CDH23: variants seen among roughly 807,000 people sequenced by gnomAD.
The protein encoded by CDH23 is cadherin related 23.
CDH23 carries 189 observed loss-of-function variants against 317.1 expected under a neutral mutation model. That is an observed-to-expected ratio of 0.60 (90% CI 0.53 to 0.67). The LOEUF (loss-of-function observed/expected upper bound fraction) is 0.67, where lower values mean the gene tolerates loss of function less well. Among genes scored for constraint, CDH23 ranks in the 30% least tolerant of loss-of-function variants. The probability of loss-of-function intolerance (pLI) is 0.00; values close to 1 mark genes in which losing one functional copy is unlikely to be tolerated. For synonymous variants in CDH23, 1,839 were observed against 1,876.8 expected (o/e 0.98, Z 0.52); for missense variants, 4,401 against 4,592.4 (o/e 0.96, Z 1.20).
chr10:71,791,377 G>A lies in CDH23; in HGVS notation c.6253+42G>A, dbSNP rs749532783. 1.6e-5 allele frequency: 25 copies of A among 1,555,148 alleles called. No individual in the cohort carries two copies. The Admixed American group carries it at 1.8e-4, about 11-fold the overall frequency. On this transcript the variant is annotated intron_variant, in intron 47 of 69. Transcript: ENST00000224721. ...CCCCAGCACCCCACAACCAGGGGCC[G>A]GTTGGTGGTCACAGGGGACTGGAGC...
intron 38 of CDH23, among the ~76,000 whole-genome samples, chr10:71,754,224 C>T (rs1298444293): frequency 6.6e-6 from 1 of 152,094 alleles, no homozygotes; most frequent in Non-Finnish European, 1.5e-5. Flanking sequence ...CATGGGTATT[C>T]CTGCAGGTAG....
At chr10:71,678,890 G>T (rs928932380) in intron 16 of CDH23, among the ~76,000 whole-genome samples, 10 of 152,170 alleles carry the variant, frequency 6.6e-5, no homozygotes, top group Non-Finnish European at 8.8e-5. Flanking sequence ...CAAGAAACAA[G>T]GTTCCTGCTC....
chr10:71,667,574 G>A (rs181670156), intron 14 of CDH23, among the ~76,000 whole-genome samples: 2 of 152,120 alleles, frequency 1.3e-5, no homozygotes, highest in Admixed American at 6.5e-5. Context: ...TGTGTGGTGC[G>A]TGCATGTGTT....
chr10:71,756,413 G>T lies in CDH23; in HGVS notation c.4845+14492G>T, dbSNP rs75330703. ...AAATTTATTGAAGCAGTCCCCTGTT[G>T]GTAGACATGTTGTTTCCATTTTCAG... is the stretch of plus-strand genomic sequence containing the variant. On this transcript the variant is annotated intron_variant, in intron 38 of 69. Coordinates refer to ENST00000224721, the MANE Select transcript of CDH23 (RefSeq NM_022124.6). 2.8e-3 allele frequency among the ~76,000 whole-genome samples: 433 copies of T among 152,286 alleles called. 5 individuals carry two copies. Among genetic ancestry groups the T allele is most frequent in the African/African-American group, 9.9e-3 (413 of 41,546 alleles).
intron 24 of CDH23, among the ~76,000 whole-genome samples, chr10:71,704,384 A>G (rs1865700832): frequency 6.6e-6 from 1 of 152,230 alleles, no homozygotes; most frequent in Non-Finnish European, 1.5e-5. Context: ...CATGGCCACA[A>G]ACAGTTTTTT....
rs578143837 is a variant in CDH23, at chr10:71,662,320, A to C, written c.1450-12792A>C. ...TGACAGGCGTGGGGGGTGTCCTGCC[A>C]GGCACCAAGTCACCTTGGAGTGAGG... On this transcript the variant is annotated intron_variant, in intron 14 of 69. Coordinates refer to ENST00000224721, the MANE Select transcript of CDH23 (RefSeq NM_022124.6). Among the ~76,000 whole-genome samples the C allele has an allele frequency of 6.5e-4, 99 of 152,250 alleles. 1 individual carries two copies. Among genetic ancestry groups the C allele is most frequent in the African/African-American group, 2.3e-3 (97 of 41,524 alleles).
At chr10:71,741,332 G>GTGGC (rs1044353968) in intron 37 of CDH23, among the ~76,000 whole-genome samples, 1 of 152,140 alleles carries the variant, frequency 6.6e-6, no homozygotes, top group Non-Finnish European at 1.5e-5. Context: ...AGGATGACAT[G>GTGGC]TGGCCAGAGT....
At chr10:71,792,831 AAAAAAAAAAAAAAAAAAAAAAATAT>A (rs1238858234) in intron 47 of CDH23, among the ~76,000 whole-genome samples, 2 of 72,222 alleles carry the variant, frequency 2.8e-5, no homozygotes, top group East Asian at 4.9e-4. Context: ...AAAAAAAAAA[AAAAAAAAAAAAAAAAAAAAAAATAT>A]ATATATATAT....
intron 3 of CDH23, among the ~76,000 whole-genome samples, chr10:71,471,028 T>TAG (rs1851480445): frequency 6.6e-6 from 1 of 152,252 alleles, no homozygotes; most frequent in African/African-American, 2.4e-5. Flanking sequence ...AAAGGACTCA[T>TAG]ATATCTGAGT....
At position 71,635,538 on chromosome 10, in the gene CDH23, G is replaced by A. The variant is rs147247144; in HGVS notation, c.1135-8323G>A. 3.8e-3 allele frequency among the ~76,000 whole-genome samples: 572 copies of A among 152,268 alleles called. 2 individuals are homozygous for A. The highest frequency in any genetic ancestry group is 6.8e-3 in the Middle Eastern group (2 of 294). On this transcript the variant is annotated intron_variant, in intron 11 of 69. Coordinates refer to ENST00000224721, the MANE Select transcript of CDH23 (RefSeq NM_022124.6). ...GGCGAGGCAGCCTCGGATTGATCCC[G>A]TCTGTGCAGGCGTGTGTGGAATTCA...
intron 6 of CDH23, among the ~76,000 whole-genome samples, chr10:71,529,987 C>G (rs1280506495): frequency 3.3e-5 from 5 of 151,384 alleles, no homozygotes; most frequent in African/African-American, 4.9e-5. Flanking sequence ...GTAACTCCCT[C>G]TGGGGCTGGA....
intron 44 of CDH23, among the ~76,000 whole-genome samples, chr10:71,786,646 C>T (rs976277443): frequency 7.9e-5 from 12 of 152,096 alleles, no homozygotes; most frequent in African/African-American, 1.7e-4. Flanking sequence ...TACATGCACA[C>T]GCCACCTTGC....
chr10:71,724,692 G>A (rs771325318), intron 29 of CDH23, among the ~76,000 whole-genome samples: 8 of 152,316 alleles, frequency 5.3e-5, no homozygotes, highest in South Asian at 4.1e-4. Context: ...CAGAGCCCAG[G>A]GCAGCCCCCA....
chr10:71,746,479 C>G (rs552122105), intron 38 of CDH23, among the ~76,000 whole-genome samples: 23 of 152,250 alleles, frequency 1.5e-4, no homozygotes, highest in Non-Finnish European at 2.9e-4. Context: ...GACCCAGGCC[C>G]GCCACACAAT....
intron 3 of CDH23, among the ~76,000 whole-genome samples, chr10:71,488,930 A>T (rs1246915663): frequency 6.6e-6 from 1 of 152,226 alleles, no homozygotes; most frequent in African/African-American, 2.4e-5. Flanking sequence ...TTTGGGATCC[A>T]CTGTGATCAT....
At chr10:71,576,581 T>G (rs16929072) in intron 8 of CDH23, among the ~76,000 whole-genome samples, 4,636 of 152,180 alleles carry the variant, frequency 0.03, 245 homozygotes, top group African/African-American at 0.11. Context: ...ACAAGAGCCC[T>G]TCATTAGCCA....
At chr10:71,724,015 AG>A (rs758538291) in intron 28 of CDH23, 29 bp from the exon 29 acceptor site, 13 of 1,552,680 alleles carry the variant, frequency 8.4e-6, no homozygotes, top group Middle Eastern at 1.7e-4. Flanking sequence ...GTGGCATTCA[AG>A]AAGTAACTCG....
rs998966959 is a variant in CDH23 at position 71,795,868 on chromosome 10, AC to A, written c.6713-1234del. On this transcript the variant is annotated intron_variant, in intron 48 of 69. Transcript: ENST00000224721. ...GAGCTCTGTTTCTCTGTCACTTCCC[AC>A]CTCATCTCTTCTCTGCCTCACCCCA... The A allele has an allele frequency of 9.1e-6, 9 of 985,532 alleles. No individual in the cohort carries two copies. The African/African-American group carries it at 1.6e-4, about 17-fold the overall frequency. 61.0% of individuals were successfully genotyped at this position (985,532 alleles called of 1,614,324 possible).
intron 9 of CDH23, among the ~76,000 whole-genome samples, chr10:71,584,174 A>C (rs1293325910): frequency 6.6e-6 from 1 of 152,146 alleles, no homozygotes; most frequent in Non-Finnish European, 1.5e-5. Flanking sequence ...TTAATGTTTA[A>C]AGCAGATTTA....
Sources: gnomAD v4.1 joint callset for allele counts (sites outside exome capture counted in the v4.1 genomes callset) on GRCh38, gnomAD v4.1.1 for gene constraint, MANE v1.5 for transcripts, NCBI Gene and HGNC (gene_info 2026-07-23, HGNC 2026-07-21) for gene names.